Variants in LRP1B observed in about 807,000 individuals in gnomAD.
LRP1B encodes low-density lipoprotein receptor-related protein 1B.
Under a neutral mutation model 556.6 loss-of-function variants are expected in LRP1B, and 217 were observed. The observed-to-expected ratio is 0.39, with a 90% CI of 0.35 to 0.44. The LOEUF (loss-of-function observed/expected upper bound fraction) is 0.44. Among genes scored for constraint, LRP1B ranks in the 20% least tolerant of loss-of-function variants. The pLI is 1.00. For synonymous variants in LRP1B, 2,047 were observed against 1,865.8 expected, an observed-to-expected ratio of 1.10 and a Z score of -2.50; for missense variants, 5,053 against 5,620.8, an observed-to-expected ratio of 0.90 and a Z score of 3.23.
chr2:140,586,022 A>G (rs1043153538), intron 43 of LRP1B, among the ~76,000 whole-genome samples: 1 of 152,174 alleles, frequency 6.6e-6, no homozygotes, highest in Non-Finnish European at 1.5e-5. Context: ...GTGTCTTTAA[A>G]AAAACTCAAA....
intron 2 of LRP1B, among the ~76,000 whole-genome samples, chr2:141,527,668 A>C (rs913991527): frequency 6.6e-6 from 1 of 152,150 alleles, no homozygotes; most frequent in Non-Finnish European, 1.5e-5. Context: ...GTTTTTACTT[A>C]TCAAAGTAAA....
chr2:141,759,163 A>G (rs932787498), intron 2 of LRP1B, among the ~76,000 whole-genome samples: 22 of 152,282 alleles, frequency 1.4e-4, no homozygotes, highest in African/African-American at 5.3e-4. Context: ...AGACTTTTGG[A>G]CCACAGAAAG....
At chr2:141,808,325 C>T (rs1696228808) in intron 2 of LRP1B, among the ~76,000 whole-genome samples, 1 of 151,966 alleles carries the variant, frequency 6.6e-6, no homozygotes, top group Non-Finnish European at 1.5e-5. Context: ...AGACCCTATA[C>T]CAAAATTAAA....
intron 32 of LRP1B, among the ~76,000 whole-genome samples, chr2:140,780,314 C>G (rs1178144704): frequency 6.6e-6 from 1 of 152,070 alleles, no homozygotes; most frequent in Non-Finnish European, 1.5e-5. Context: ...TGAGCAAAAT[C>G]AAAAATTAAC....
In LRP1B at chr2:141,566,881, A is replaced by T. The variant is rs73965712; in HGVS notation, c.206-86348T>A. On this transcript the variant is annotated intron_variant, in intron 2 of 90. Coordinates refer to ENST00000389484, the MANE Select transcript of LRP1B (RefSeq NM_018557.3). Reference sequence around the variant, plus strand: ...TCTCTTAAAAAAAATTAAAAATAAAACTAAAGTAAATTCCTAGAAATAAAG... The same window carrying T: ...TCTCTTAAAAAAAATTAAAAATAAATCTAAAGTAAATTCCTAGAAATAAAG... Among the ~76,000 whole-genome samples the T allele has an allele frequency of 6.7e-3, 1,025 of 152,278 alleles. 11 individuals carry two copies. The highest frequency in any genetic ancestry group is 0.023 in the African/African-American group (966 of 41,564).
chr2:141,887,299 A>G (rs1699157463), intron 1 of LRP1B, among the ~76,000 whole-genome samples: 1 of 152,086 alleles, frequency 6.6e-6, no homozygotes, highest in South Asian at 2.1e-4. Flanking sequence ...CCCAGCCCGG[A>G]ATGGTTGATT....
chr2:141,836,721 G>A (rs1697293487), intron 1 of LRP1B, among the ~76,000 whole-genome samples: 1 of 151,890 alleles, frequency 6.6e-6, no homozygotes, highest in African/African-American at 2.4e-5. Flanking sequence ...TATTTGTGCG[G>A]AACATGAATA....
intron 20 of LRP1B, among the ~76,000 whole-genome samples, chr2:140,948,427 T>C (rs1695606344): frequency 6.6e-6 from 1 of 152,206 alleles, no homozygotes; most frequent in Non-Finnish European, 1.5e-5. Flanking sequence ...AGGCAAAAAG[T>C]TCTAGCTCAT....
intron 2 of LRP1B, among the ~76,000 whole-genome samples, chr2:141,562,042 A>G (rs1325501554): frequency 1.3e-5 from 2 of 151,958 alleles, no homozygotes; most frequent in East Asian, 3.9e-4. Context: ...TGTAAGTAAA[A>G]CAAAGCTCCC....
chr2:141,764,428 T>C (rs1310273186), intron 2 of LRP1B, among the ~76,000 whole-genome samples: 3 of 152,142 alleles, frequency 2.0e-5, no homozygotes, highest in Non-Finnish European at 4.4e-5. Context: ...GTGATCCACC[T>C]GCCTCGGCCT....
At chr2:141,585,841 A>G (rs68083785) in intron 2 of LRP1B, among the ~76,000 whole-genome samples, 12,212 of 151,384 alleles carry the variant, frequency 0.081, 573 homozygotes, top group South Asian at 0.14. Flanking sequence ...TAGAACTCCT[A>G]GGCTAGGAAT....
rs374109672 is a variant in LRP1B, at chr2:141,505,757, G to A, written c.206-25224C>T. ...GAGACTTAGTAACACATTCTGCTTG[G>A]TAGGCCAATCTCCATTAAGATTGCT... On this transcript the variant is annotated intron_variant, in intron 2 of 90. Coordinates refer to ENST00000389484, the MANE Select transcript of LRP1B (RefSeq NM_018557.3). Among the ~76,000 whole-genome samples, 22 of 152,044 alleles carry A rather than the reference G, an allele frequency of 1.4e-4. No homozygotes were observed. In the South Asian group the frequency reaches 2.9e-3, roughly 20 times the overall value.
intron 77 of LRP1B, among the ~76,000 whole-genome samples, chr2:140,344,707 AAAAC>A (rs140840813): frequency 0.024 from 3,651 of 151,912 alleles, 53 homozygotes; most frequent in Non-Finnish European, 0.023. Flanking sequence ...ATACAAAAGA[AAAAC>A]AAAGTAAGCA....
At chr2:141,019,895 A>C in intron 12 of LRP1B, 27 bp downstream of exon 12, 1 of 1,473,240 alleles carries the variant, frequency 6.8e-7, no homozygotes, top group South Asian at 1.4e-5. Context: ...CATTTTTCTT[A>C]TATAAAGCTA....
intron 2 of LRP1B, among the ~76,000 whole-genome samples, chr2:141,624,209 T>A (rs1188749114): frequency 6.6e-6 from 1 of 152,042 alleles, no homozygotes; most frequent in African/African-American, 2.4e-5. Context: ...AAGTTGTTTT[T>A]TATTCACCCA....
chr2:140,946,836 T>C (rs1331404168), intron 20 of LRP1B, among the ~76,000 whole-genome samples: 1 of 152,174 alleles, frequency 6.6e-6, no homozygotes, highest in Non-Finnish European at 1.5e-5. Context: ...TGGAATACTA[T>C]GCAACCATAA....
intron 3 of LRP1B, among the ~76,000 whole-genome samples, chr2:141,285,322 C>T (rs1685667590): frequency 6.6e-6 from 1 of 151,738 alleles, no homozygotes; most frequent in Non-Finnish European, 1.5e-5. Flanking sequence ...CTCCTGACCT[C>T]GTTTTCCACC....
intron 20 of LRP1B, among the ~76,000 whole-genome samples, chr2:140,923,435 C>T (rs76486980): frequency 0.047 from 7,069 of 151,940 alleles, 190 homozygotes; most frequent in Middle Eastern, 0.058. Flanking sequence ...AGATAATTTG[C>T]GGATATTCTG....
At chr2:141,666,666 C>A (rs1690450777) in intron 2 of LRP1B, among the ~76,000 whole-genome samples, 1 of 152,166 alleles carries the variant, frequency 6.6e-6, no homozygotes, top group African/African-American at 2.4e-5. Flanking sequence ...GTAACCCAAC[C>A]AGATCCTTGC....
Sources: allele counts gnomAD v4.1 joint callset (sites outside exome capture counted in the v4.1 genomes callset), GRCh38; gene constraint gnomAD v4.1.1; transcripts MANE v1.5; gene names NCBI Gene and HGNC (gene_info 2026-07-23, HGNC 2026-07-21).